Variants in AK9 observed in about 807,000 individuals in gnomAD.
AK9 encodes the protein adenylate kinase domain containing 1.
Under a neutral mutation model 239.6 loss-of-function variants are expected in AK9, and 191 were observed. The ratio of observed to expected loss-of-function variants is 0.80; its 90% CI spans 0.71 to 0.90. The LOEUF (loss-of-function observed/expected upper bound fraction) is 0.90, where lower values mean the gene tolerates loss of function less well. Among genes scored for constraint, AK9 ranks in the 40% least tolerant of loss-of-function variants. The probability of loss-of-function intolerance (pLI) is 0.00; values close to 1 mark genes in which losing one functional copy is unlikely to be tolerated. For synonymous variants in AK9, 689 were observed against 721.0 expected, an observed-to-expected ratio of 0.96 and a Z score of 0.71; for missense variants, 1,995 against 2,214.7, an observed-to-expected ratio of 0.90 and a Z score of 1.99.
At chr6:109,543,558 C>T (rs544368265) in intron 26 of AK9, among the ~76,000 whole-genome samples, 34 of 152,118 alleles carry the variant, frequency 2.2e-4, no homozygotes, top group African/African-American at 7.2e-4. Flanking sequence ...AGTGATTCTC[C>T]TGCCTTAGCC....
chr6:109,495,888 A>G (rs1364107782), intron 38 of AK9, among the ~76,000 whole-genome samples: 1 of 151,892 alleles, frequency 6.6e-6, no homozygotes, highest in Non-Finnish European at 1.5e-5. Context: ...ATCTTACTAC[A>G]GCACCTGCTT....
Position 109,500,755 on chromosome 6 carries a change from C to T in AK9, c.4850-1515G>A, listed in dbSNP as rs180796208. Among the ~76,000 whole-genome samples, 464 of 152,242 alleles carry T rather than the reference C, an allele frequency of 3.0e-3. 2 individuals carry two copies. The highest frequency in any genetic ancestry group is 5.2e-3 in the Non-Finnish European group (352 of 68,012). ...ACACTCAGCCAGGTGTGGTGGCTCACGCCTGTAATCGCAGCACTTTGGGAG... is the reference window on the plus strand; with the variant it reads ...ACACTCAGCCAGGTGTGGTGGCTCATGCCTGTAATCGCAGCACTTTGGGAG... On this transcript the variant is annotated intron_variant, in intron 35 of 40. Coordinates refer to ENST00000424296, the MANE Select transcript of AK9 (RefSeq NM_001145128.3).
At chr6:109,563,827 A>G in intron 23 of AK9, 115 bp from the exon 24 acceptor site, 1 of 1,290,132 alleles carries the variant, frequency 7.8e-7, no homozygotes. Context: ...CTCTTAGATT[A>G]AATATGTATG....
At chr6:109,560,889 C>T (rs554180071) in intron 24 of AK9, among the ~76,000 whole-genome samples, 109 of 152,298 alleles carry the variant, frequency 7.2e-4, no homozygotes, top group African/African-American at 2.5e-3. Context: ...AGGGAAGCCA[C>T]CTGTGTCTGG....
intron 35 of AK9, among the ~76,000 whole-genome samples, chr6:109,503,842 G>A (rs1479673386): frequency 1.3e-5 from 2 of 152,110 alleles, no homozygotes; most frequent in Non-Finnish European, 2.9e-5. Context: ...GGTGGCCTGC[G>A]GTCAATGACA....
intron 29 of AK9, among the ~76,000 whole-genome samples, chr6:109,523,268 T>C (rs1372955382): frequency 2.0e-5 from 3 of 152,126 alleles, no homozygotes; most frequent in South Asian, 4.1e-4. Flanking sequence ...TAATTCTTCC[T>C]AGGGAAATTT....
chr6:109,644,422 G>T, intron 9 of AK9, 192 bp downstream of exon 9: 1 of 439,090 alleles, frequency 2.3e-6, no homozygotes. Flanking sequence ...TTTTAAATTC[G>T]AATGTAGTTT....
At chr6:109,597,393 C>T (rs770804471) in intron 17 of AK9, among the ~76,000 whole-genome samples, 4 of 151,518 alleles carry the variant, frequency 2.6e-5, no homozygotes, top group Non-Finnish European at 4.4e-5. Context: ...TTTTTTTTTG[C>T]CGGGCGCGGT....
At chr6:109,579,328 C>T in intron 20 of AK9, 1 of 451,682 alleles carries the variant, frequency 2.2e-6, no homozygotes, top group Non-Finnish European at 3.9e-6. Context: ...AGTCATTTTC[C>T]TATGAATCCA....
intron 24 of AK9, among the ~76,000 whole-genome samples, chr6:109,559,060 C>T (rs555191924): frequency 6.6e-6 from 1 of 151,940 alleles, no homozygotes; most frequent in Admixed American, 6.6e-5. Flanking sequence ...GCCATGTTGG[C>T]TAAGCTGCCT....
intron 24 of AK9, among the ~76,000 whole-genome samples, chr6:109,555,044 C>T (rs1784825638): frequency 6.6e-6 from 1 of 152,140 alleles, no homozygotes; most frequent in Non-Finnish European, 1.5e-5. Flanking sequence ...TATTTCTTGT[C>T]TTCTGCTAGC....
Position 109,641,178 on chromosome 6 carries a change from AT to A in AK9, c.933+339del, listed in dbSNP as rs1396632958. 4.1e-5 allele frequency among the ~76,000 whole-genome samples: 6 copies of A among 147,002 alleles called. No individual in the cohort carries two copies. In the South Asian group the frequency reaches 6.4e-4, roughly 16 times the overall value. ...ATATATACATTTTTATATATATATA[AT>A]TTTTTTTCAGATAGCATCTGGCTCT... On this transcript the variant is annotated intron_variant, in intron 10 of 40. Coordinates refer to ENST00000424296, the MANE Select transcript of AK9 (RefSeq NM_001145128.3).
Position 109,523,661 on chromosome 6 carries a change from T to C in AK9, c.3633+5350A>G, listed in dbSNP as rs569665343. On this transcript the variant is annotated intron_variant, in intron 29 of 40. Transcript: ENST00000424296. ...GTAGAAAGCCAACTGACTTTCTGGATGGAGCAACCAGAGAAAGGAGCCAAA... is the reference window on the plus strand; with the variant it reads ...GTAGAAAGCCAACTGACTTTCTGGACGGAGCAACCAGAGAAAGGAGCCAAA... Among the ~76,000 whole-genome samples the C allele has an allele frequency of 1.3e-5, 2 of 152,220 alleles. 1 individual carries two copies. Among genetic ancestry groups the C allele is most frequent in the Admixed American group, 1.3e-4 (2 of 15,272 alleles).
intron 21 of AK9, among the ~76,000 whole-genome samples, chr6:109,565,793 G>A (rs951344370): frequency 2.0e-5 from 3 of 152,002 alleles, no homozygotes; most frequent in Admixed American, 6.6e-5. Context: ...GCATATATAC[G>A]TATGTATATA....
At chr6:109,624,662 T>C (rs1795300425) in intron 12 of AK9, among the ~76,000 whole-genome samples, 2 of 152,192 alleles carry the variant, frequency 1.3e-5, no homozygotes, top group South Asian at 2.1e-4. Flanking sequence ...CATTGTCTTA[T>C]AATTTCAAAG....
At chr6:109,616,068 C>G (rs979466804) in intron 13 of AK9, among the ~76,000 whole-genome samples, 2 of 151,720 alleles carry the variant, frequency 1.3e-5, no homozygotes, top group African/African-American at 2.4e-5. Context: ...AGACCCCTGT[C>G]TCTGCCAGAA....
rs746370431 is a variant in AK9 at position 109,542,051 on chromosome 6, T to A, written c.3346A>T (p.Ile1116Leu). ...ILSEWWLKEP[I>L]RSTGFILDGF... The stretch of plus-strand genomic sequence containing the variant: ...ATTCTATATAAATTAAGATACCGTA[T>A]TGGTTCCTTAAGCCACCACTCAGAA... Residue 1116 changes from isoleucine (I) to leucine (L), a missense_variant, in exon 27 of 41, where the codon ATA becomes TTA. This residue lies in a region of AK9 where 1,290 missense variants were observed against 1,392.7 expected (regional missense o/e 0.93). Coordinates refer to ENST00000424296, the MANE Select transcript of AK9 (RefSeq NM_001145128.3). The A allele has an allele frequency of 6.3e-7, 1 of 1,590,020 alleles. No individual in the cohort carries two copies. Among genetic ancestry groups the A allele is most frequent in the South Asian group, 1.1e-5 (1 of 87,842 alleles).
intron 12 of AK9, among the ~76,000 whole-genome samples, chr6:109,622,018 A>G (rs1794917670): frequency 6.8e-6 from 1 of 147,086 alleles, no homozygotes; most frequent in Non-Finnish European, 1.5e-5. Context: ...AGCCTAGTTT[A>G]TAGTTGCAAA....
chr6:109,493,433 A>G lies in AK9; in HGVS notation c.5672T>C (p.Ile1891Thr). ...RKYKEPQFRA[I>T]DFDHKLKTFL... The stretch of plus-strand genomic sequence containing the variant: ...GGTCTTTAACTTATGATCAAAGTCA[A>G]TGGCTCTGAACTGAGGTTCCTTGTA... Residue 1891 changes from isoleucine (I) to threonine (T), a missense_variant, in exon 41 of 41, where the codon ATT (isoleucine) becomes ACT (threonine). This residue lies in a region of AK9 where 391 missense variants were observed against 456.0 expected (regional missense o/e 0.86). Coordinates refer to ENST00000424296, the MANE Select transcript of AK9 (RefSeq NM_001145128.3). 1 of 1,614,168 alleles carries G rather than the reference A, an allele frequency of 6.2e-7. No individual in the cohort carries two copies. Among genetic ancestry groups the G allele is most frequent in the Non-Finnish European group, 8.5e-7 (1 of 1,180,032 alleles).
Sources: allele counts gnomAD v4.1 joint callset (sites outside exome capture counted in the v4.1 genomes callset), GRCh38; gene constraint gnomAD v4.1.1; regional missense constraint gnomAD v4.1.1; transcripts MANE v1.5; gene names NCBI Gene and HGNC (gene_info 2026-07-23, HGNC 2026-07-21).